EEFSEC: variants seen among roughly 807,000 people sequenced by gnomAD.
EEFSEC encodes selenocysteine-specific elongation factor.
EEFSEC carries 43 observed loss-of-function variants against 42.1 expected under a neutral mutation model. The ratio of observed to expected loss-of-function variants is 1.02; its 90% CI spans 0.80 to 1.32. EEFSEC has a LOEUF of 1.32. Among genes scored for constraint, EEFSEC ranks in the 40% most tolerant of loss-of-function variants. EEFSEC has a pLI of 0.00. For synonymous variants in EEFSEC, 354 were observed against 339.1 expected, an observed-to-expected ratio of 1.04 and a Z score of -0.48; for missense variants, 745 against 803.6, an observed-to-expected ratio of 0.93 and a Z score of 0.88.
chr3:128,311,042 G>T (rs1245671920), intron 4 of EEFSEC, among the ~76,000 whole-genome samples: 1 of 152,216 alleles, frequency 6.6e-6, no homozygotes, highest in Non-Finnish European at 1.5e-5. Flanking sequence ...ACAACAATGT[G>T]AATGAACTGG....
At chr3:128,386,363 A>C (rs1357872457) in intron 6 of EEFSEC, among the ~76,000 whole-genome samples, 1 of 152,182 alleles carries the variant, frequency 6.6e-6, no homozygotes, top group Non-Finnish European at 1.5e-5. Context: ...TCATGTAAAA[A>C]ATCCAGATTT....
At chr3:128,202,691 T>C (rs184952822) in intron 1 of EEFSEC, among the ~76,000 whole-genome samples, 35 of 152,338 alleles carry the variant, frequency 2.3e-4, no homozygotes, top group Admixed American at 1.2e-3. Context: ...CAGTAAAATG[T>C]TGAGTAGAAG....
intron 1 of EEFSEC, among the ~76,000 whole-genome samples, chr3:128,240,048 T>A (rs1360678448): frequency 6.6e-6 from 1 of 152,174 alleles, no homozygotes; most frequent in Non-Finnish European, 1.5e-5. Flanking sequence ...TGAGAGAGAG[T>A]GCATGAGTGT....
Position 128,164,764 on chromosome 3 carries a change from G to A in EEFSEC, c.316+10941G>A, listed in dbSNP as rs1021905230. 5.9e-5 allele frequency among the ~76,000 whole-genome samples: 9 copies of A among 152,176 alleles called. No homozygotes were observed. In the South Asian group the frequency reaches 1.0e-3, roughly 18 times the overall value. ...GGCCAAGCTTCCAGAGGGTAGCCCG[G>A]ACCAGATCTCAGGAGCCGGGAGAGT... On this transcript the variant is annotated intron_variant, in intron 1 of 6. Coordinates refer to ENST00000254730, the MANE Select transcript of EEFSEC (RefSeq NM_021937.5).
At chr3:128,383,313 C>A (rs2067798800) in intron 6 of EEFSEC, among the ~76,000 whole-genome samples, 1 of 152,234 alleles carries the variant, frequency 6.6e-6, no homozygotes, top group African/African-American at 2.4e-5. Flanking sequence ...ACAATAAGTG[C>A]TCCGTGAATA....
chr3:128,364,835 A>C (rs570758743), intron 6 of EEFSEC, among the ~76,000 whole-genome samples: 1 of 152,352 alleles, frequency 6.6e-6, no homozygotes, highest in East Asian at 1.9e-4. Context: ...CACAGCCTGC[A>C]TGGCAGCGTG....
Position 128,408,490 on chromosome 3 carries a change from CCAG to C in EEFSEC, c.*233_*235del. The C allele has an allele frequency of 2.4e-6, 1 of 414,122 alleles. No homozygotes were observed. 25.7% of individuals were successfully genotyped at this position (414,122 alleles called of 1,614,324 possible). A position where few individuals can be genotyped will look rare whatever the true frequency, so the allele number is the denominator to read the frequency against. On this transcript the variant is annotated 3_prime_UTR_variant, in exon 7 of 7. Coordinates refer to ENST00000254730, the MANE Select transcript of EEFSEC (RefSeq NM_021937.5). ...TGCACACTCCCACCCAGGACAGCCC[CCAG>C]CCCAACTAGGAAAGGGCCATGGGCA...
At chr3:128,194,888 A>G (rs978306099) in intron 1 of EEFSEC, among the ~76,000 whole-genome samples, 3 of 152,222 alleles carry the variant, frequency 2.0e-5, no homozygotes, top group African/African-American at 7.2e-5. Flanking sequence ...ATTTCCTTTT[A>G]TAAAGAATTT....
the EEFSEC span, among the ~76,000 whole-genome samples, chr3:128,414,751 A>T: frequency 6.6e-6 from 1 of 152,226 alleles, no homozygotes; most frequent in Non-Finnish European, 1.5e-5. Flanking sequence ...CGACCTGCTC[A>T]GATTGGTTTG....
intron 6 of EEFSEC, among the ~76,000 whole-genome samples, chr3:128,359,144 A>G (rs1239257958): frequency 1.3e-5 from 2 of 152,152 alleles, no homozygotes. Context: ...TAGGGTGATC[A>G]GGGAAGGACA....
downstream of EEFSEC, among the ~76,000 whole-genome samples, chr3:128,412,437 C>A (rs962544654): frequency 1.5e-4 from 23 of 152,344 alleles, no homozygotes; most frequent in Admixed American, 3.3e-4. Context: ...CCTAGTTCAG[C>A]CTTGTCTGTC....
chr3:128,246,221 A>G (rs911545870), intron 1 of EEFSEC, among the ~76,000 whole-genome samples: 4 of 102,454 alleles, frequency 3.9e-5, no homozygotes, highest in Non-Finnish European at 8.1e-5. Context: ...GATGCTCACA[A>G]GCGTGCACGC....
At chr3:128,207,755 C>T (rs1458008534) in intron 1 of EEFSEC, among the ~76,000 whole-genome samples, 1 of 152,076 alleles carries the variant, frequency 6.6e-6, no homozygotes, top group Non-Finnish European at 1.5e-5. Context: ...TTTACTAAGC[C>T]AGGACTGATA....
chr3:128,291,082 C>A (rs1411887385), intron 4 of EEFSEC, among the ~76,000 whole-genome samples: 1 of 151,752 alleles, frequency 6.6e-6, no homozygotes, highest in Non-Finnish European at 1.5e-5. Context: ...TTTTATACTT[C>A]TTTTATAAAC....
intron 4 of EEFSEC, among the ~76,000 whole-genome samples, chr3:128,306,352 G>T (rs535878944): frequency 6.6e-6 from 1 of 152,112 alleles, no homozygotes; most frequent in Non-Finnish European, 1.5e-5. Context: ...TACAAATTTT[G>T]TTGCTCTGCC....
At chr3:128,294,968 G>T (rs1273726508) in intron 4 of EEFSEC, among the ~76,000 whole-genome samples, 1 of 152,196 alleles carries the variant, frequency 6.6e-6, no homozygotes. Context: ...GTCAGGGAGG[G>T]CTGTCCCCAT....
At chr3:128,351,269 T>G (rs1470382961) in intron 5 of EEFSEC, among the ~76,000 whole-genome samples, 1 of 152,218 alleles carries the variant, frequency 6.6e-6, no homozygotes, top group African/African-American at 2.4e-5. Flanking sequence ...AAATGCTGTC[T>G]TATTCTTCTG....
chr3:128,247,071 A>G (rs552135510), intron 2 of EEFSEC, 28 bp downstream of exon 2: 7 of 1,610,230 alleles, frequency 4.3e-6, no homozygotes, highest in African/African-American at 2.7e-5. Context: ...AGCAATGTTC[A>G]CTGCATAAGA....
At chr3:128,223,983 A>T (rs377641343) in intron 1 of EEFSEC, among the ~76,000 whole-genome samples, 3 of 2,210 alleles carry the variant, frequency 1.4e-3, no homozygotes, top group African/African-American at 4.6e-3. Flanking sequence ...TGTTCCATTT[A>T]AAAAAAAAAC....
Sources: allele counts gnomAD v4.1 joint callset (sites outside exome capture counted in the v4.1 genomes callset), GRCh38; gene constraint gnomAD v4.1.1; transcripts MANE v1.5; gene names NCBI Gene and HGNC (gene_info 2026-07-23, HGNC 2026-07-21).